Variants in PCDHA7 observed in about 807,000 individuals in gnomAD.
PCDHA7 encodes protocadherin alpha 7.
In PCDHA7, 37 loss-of-function variants were observed where a neutral mutation model predicts 57.2. The ratio of observed to expected loss-of-function variants is 0.65; its 90% CI spans 0.50 to 0.85. PCDHA7 has a LOEUF of 0.85. Among genes scored for constraint, PCDHA7 ranks in the 40% least tolerant of loss-of-function variants. PCDHA7 has a pLI of 0.00. For missense variants in PCDHA7, 1,188 were observed against 1,241.8 expected (o/e 0.96, Z 0.65); for synonymous variants, 553 against 558.8 (o/e 0.99, Z 0.15).
At chr5:140,855,799 A>C (rs1356663466) in intron 1 of PCDHA7, 4 of 472,784 alleles carry the variant, frequency 8.5e-6, no homozygotes, top group Non-Finnish European at 1.5e-5. Context: ...TTAACATATG[A>C]ATGAAAGAAA....
intron 1 of PCDHA7, chr5:140,856,276 A>C (rs1554148470): frequency 6.3e-7 from 1 of 1,598,372 alleles, no homozygotes; most frequent in Admixed American, 1.7e-5. Context: ...TTCTGGAGGT[A>C]AATCTGCAGA....
chr5:140,981,141 A>G (rs957272254), intron 2 of PCDHA7, among the ~76,000 whole-genome samples: 2 of 152,242 alleles, frequency 1.3e-5, no homozygotes, highest in African/African-American at 4.8e-5. Flanking sequence ...AAAGAGTGAG[A>G]AAACATTGAA....
intron 1 of PCDHA7, chr5:140,860,628 G>A (rs1488931314): frequency 6.6e-6 from 1 of 152,206 alleles, no homozygotes; most frequent in African/African-American, 2.4e-5. Flanking sequence ...ACATATGCAG[G>A]AATCAGGAAC....
intron 1 of PCDHA7, among the ~76,000 whole-genome samples, chr5:140,878,960 A>G (rs1028687741): frequency 6.6e-6 from 1 of 152,322 alleles, no homozygotes; most frequent in African/African-American, 2.4e-5. Context: ...GAAATGTATT[A>G]CCTGGACATT....
chr5:140,857,736 C>A (rs1554150585), intron 1 of PCDHA7: 1 of 1,597,364 alleles, frequency 6.3e-7, no homozygotes, highest in Admixed American at 1.7e-5. Flanking sequence ...AACGCTCCCG[C>A]GCTGCTGGCG....
intron 1 of PCDHA7, among the ~76,000 whole-genome samples, chr5:140,977,927 T>G (rs1214119079): frequency 6.6e-6 from 1 of 152,180 alleles, no homozygotes; most frequent in Non-Finnish European, 1.5e-5. Context: ...TTCATTCAAC[T>G]ATACCTCAAT....
chr5:140,876,499 G>C, intron 1 of PCDHA7: 1 of 1,614,028 alleles, frequency 6.2e-7, no homozygotes, highest in South Asian at 1.1e-5. Flanking sequence ...AGTTCTGGAC[G>C]TGAATGACAA....
Position 140,834,460 on chromosome 5 carries a change from C to G in PCDHA7, c.77C>G (p.Ala26Gly), listed in dbSNP as rs202125503. ...LFIIILAAWE[A>G]GRGQLHYSVP... ...ATTATAATTCTAGCAGCTTGGGAGG[C>G]AGGGAGAGGCCAGCTCCACTACTCG... Residue 26 changes from alanine to glycine, a missense_variant, in exon 1 of 4, where the codon GCA becomes GGA. Ala to Gly is a moderately conservative substitution (Grantham distance 60). Coordinates refer to ENST00000525929, the MANE Select transcript of PCDHA7 (RefSeq NM_018910.3). The G allele has an allele frequency of 6.3e-6, 10 of 1,589,954 alleles. No individual in the cohort carries two copies. Among genetic ancestry groups the G allele is most frequent in the Non-Finnish European group, 8.6e-6 (10 of 1,162,996 alleles).
At chr5:140,920,323 T>C (rs1448405138) in intron 1 of PCDHA7, among the ~76,000 whole-genome samples, 3 of 152,212 alleles carry the variant, frequency 2.0e-5, no homozygotes, top group Non-Finnish European at 4.4e-5. Context: ...AAATTATATA[T>C]TTATGGCATT....
In PCDHA7 at chr5:140,834,749, G is replaced by T. The variant is rs782597539; in HGVS notation, c.366G>T (p.Glu122Asp). ...RPLQVFHVDV[E>D]VKDINDNPPV... ...TGCAGGTTTTCCATGTGGACGTGGA[G>T]GTGAAGGACATTAACGACAACCCTC... The change falls in exon 1 of 4, where the codon GAG (glutamate) becomes GAT (aspartate). Residue 122 changes from glutamate (E) to aspartate (D), a missense_variant. By Grantham distance (45) the Glu-to-Asp change is conservative. Transcript: ENST00000525929. 2 of 1,613,980 alleles carry T rather than the reference G, an allele frequency of 1.2e-6. No individual in the cohort carries two copies. Among genetic ancestry groups the T allele is most frequent in the African/African-American group, 1.3e-5 (1 of 74,932 alleles).
chr5:140,899,848 C>T (rs2067590475), intron 1 of PCDHA7, among the ~76,000 whole-genome samples: 1 of 152,178 alleles, frequency 6.6e-6, no homozygotes, highest in Non-Finnish European at 1.5e-5. Flanking sequence ...TGCTGTGTCA[C>T]CCAGGCTGGA....
chr5:140,900,845 C>CT (rs1284280086), intron 1 of PCDHA7, among the ~76,000 whole-genome samples: 1 of 152,106 alleles, frequency 6.6e-6, no homozygotes, highest in Non-Finnish European at 1.5e-5. Context: ...CAAAGTTTCC[C>CT]TTTTTTTCAC....
At chr5:140,857,933 G>A (rs1554150890) in intron 1 of PCDHA7, 2 of 1,597,790 alleles carry the variant, frequency 1.3e-6, no homozygotes, top group Admixed American at 1.7e-5. Context: ...GTACACGGGC[G>A]AGATCAGTAC....
chr5:140,882,462 G>C (rs1487611246), intron 1 of PCDHA7: 1 of 1,613,916 alleles, frequency 6.2e-7, no homozygotes, highest in Non-Finnish European at 8.5e-7. Context: ...CGCCTGTTCC[G>C]GGTGGCGTCC....
At chr5:140,842,946 T>C (rs2150348496) in intron 1 of PCDHA7, 1 of 1,594,616 alleles carries the variant, frequency 6.3e-7, no homozygotes, top group Non-Finnish European at 8.6e-7. Flanking sequence ...GACGCGGGCG[T>C]GCCGCCTCTG....
intron 1 of PCDHA7, 119 bp from the exon 2 acceptor site, chr5:140,978,830 C>T: frequency 6.5e-7 from 1 of 1,535,340 alleles, no homozygotes; most frequent in Non-Finnish European, 8.8e-7. Context: ...TGAAATGGCT[C>T]ATTCAATACT....
chr5:140,838,046 T>C (rs1554136765), intron 1 of PCDHA7, among the ~76,000 whole-genome samples: 1 of 150,988 alleles, frequency 6.6e-6, no homozygotes, highest in African/African-American at 2.4e-5. Flanking sequence ...TTCTGCACTT[T>C]TTGGTTTTCC....
At chr5:140,884,381 T>C in intron 1 of PCDHA7, 2 of 1,613,986 alleles carry the variant, frequency 1.2e-6, no homozygotes, top group Non-Finnish European at 1.7e-6. Flanking sequence ...CATTGCCATC[T>C]GCGCGGTGTC....
intron 1 of PCDHA7, among the ~76,000 whole-genome samples, chr5:140,949,264 G>A (rs139292588): frequency 4.5e-4 from 69 of 151,784 alleles, no homozygotes; most frequent in Admixed American, 2.4e-3. Flanking sequence ...AACATATCAC[G>A]TGCACTTGAA....
Sources: gnomAD v4.1 joint callset for allele counts (sites outside exome capture counted in the v4.1 genomes callset) on GRCh38, gnomAD v4.1.1 for gene constraint, MANE v1.5 for transcripts, NCBI Gene and HGNC (gene_info 2026-07-23, HGNC 2026-07-21) for gene names.